The following NSF variants were observed in gnomAD, a reference collection of about 807,000 sequenced individuals.
NSF encodes N-ethylmaleimide sensitive factor, vesicle fusing ATPase, also known as vesicle-fusing ATPase.
In NSF, 14 loss-of-function variants were observed where a neutral mutation model predicts 50.3. That is an observed-to-expected ratio of 0.28 (90% CI 0.18 to 0.44). The LOEUF (loss-of-function observed/expected upper bound fraction) is 0.44. Among genes scored for constraint, NSF ranks in the 20% least tolerant of loss-of-function variants. The pLI is 1.00. For synonymous variants in NSF, 109 were observed against 175.7 expected (o/e 0.62, Z 3.00); for missense variants, 218 against 504.3 (o/e 0.43, Z 5.44).
At chr17:46,738,485 CT>C (rs2059033476) in intron 17 of NSF, among the ~76,000 whole-genome samples, 1 of 152,066 alleles carries the variant, frequency 6.6e-6, no homozygotes, top group Non-Finnish European at 1.5e-5. Context: ...GTATAATAAA[CT>C]CTATGTTAAT....
intron 15 of NSF, among the ~76,000 whole-genome samples, chr17:46,716,770 A>G (rs190520767): frequency 1.1e-3 from 166 of 152,320 alleles, no homozygotes; most frequent in Admixed American, 6.5e-3. Flanking sequence ...TTGTCCTTCA[A>G]TTCTCTTTTC....
At position 46,719,994 on chromosome 17, in the gene NSF, T is replaced by A. The variant is rs2058812278; in HGVS notation, c.1761+6008T>A. Among the ~76,000 whole-genome samples the A allele has an allele frequency of 2.0e-5, 3 of 152,230 alleles. No homozygotes were observed. Among genetic ancestry groups the A allele is most frequent in the African/African-American group, 2.4e-5 (1 of 41,462 alleles). On this transcript the variant is annotated intron_variant, in intron 15 of 20. Coordinates refer to ENST00000398238, the MANE Select transcript of NSF (RefSeq NM_006178.4). The surrounding 1 kb of genome is among the most constrained non-coding windows in gnomAD (Gnocchi z 4.3). ...CTAGCTTTGCACGAAAGAAATAATC[T>A]TCTTTGAATATCCTCCTGTAAATCC...
chr17:46,690,447 A>G (rs1598684604), intron 9 of NSF, among the ~76,000 whole-genome samples: 1 of 21,082 alleles, frequency 4.7e-5, no homozygotes, highest in East Asian at 1.7e-3. Context: ...ACTAAAAAAA[A>G]AATACAAAAA....
chr17:46,724,575 G>C (rs1347050169), intron 15 of NSF, among the ~76,000 whole-genome samples: 2 of 152,136 alleles, frequency 1.3e-5, no homozygotes, highest in Non-Finnish European at 1.5e-5. Context: ...AGGCACTGGG[G>C]AAATACTGCC....
At chr17:46,729,034 A>G (rs75013657) in intron 17 of NSF, 100 bp downstream of exon 17, 2 of 751,348 alleles carry the variant, frequency 2.7e-6, no homozygotes, top group Non-Finnish European at 4.2e-6. Context: ...TCATAAACAT[A>G]AAATTCTGTT....
chr17:46,748,712 C>T (rs1382815620), intron 17 of NSF, among the ~76,000 whole-genome samples: 3 of 152,218 alleles, frequency 2.0e-5, no homozygotes, highest in Non-Finnish European at 1.5e-5. Context: ...AGGGGAATTT[C>T]TTCAAGAACA....
At chr17:46,691,528 G>A (rs2058546301) in intron 9 of NSF, among the ~76,000 whole-genome samples, 1 of 147,324 alleles carries the variant, frequency 6.8e-6, no homozygotes, top group South Asian at 2.2e-4. Context: ...CCGGGAGGCA[G>A]AGGTTGCAGT....
At chr17:46,729,365 T>TA (rs2058926273) in intron 17 of NSF, among the ~76,000 whole-genome samples, 2 of 152,198 alleles carry the variant, frequency 1.3e-5, no homozygotes, top group South Asian at 4.1e-4. Flanking sequence ...TTTGGGCAGT[T>TA]AAAAAACTAT....
intron 1 of NSF, among the ~76,000 whole-genome samples, chr17:46,605,370 C>T (rs1265135912): frequency 6.3e-5 from 8 of 126,022 alleles, no homozygotes; most frequent in Non-Finnish European, 1.2e-4. Flanking sequence ...ATTGCTTGAA[C>T]CTGGGAGGTG....
At chr17:46,606,072 A>G (rs1399576538) in intron 1 of NSF, among the ~76,000 whole-genome samples, 1 of 93,372 alleles carries the variant, frequency 1.1e-5, no homozygotes, top group Non-Finnish European at 1.9e-5. Context: ...CCAGCTACTC[A>G]GGAGGCTGAG....
At chr17:46,733,637 T>A (rs2058972184) in intron 17 of NSF, among the ~76,000 whole-genome samples, 1 of 152,196 alleles carries the variant, frequency 6.6e-6, no homozygotes, top group Non-Finnish European at 1.5e-5. Flanking sequence ...TACACTTGGG[T>A]AAGTGGATGA....
At chr17:46,676,345 G>A (rs1307107878) in intron 9 of NSF, among the ~76,000 whole-genome samples, 2 of 134,332 alleles carry the variant, frequency 1.5e-5, no homozygotes, top group Non-Finnish European at 3.1e-5. Flanking sequence ...CAATTCTCCT[G>A]CCTCAGCCTC....
chr17:46,714,065 T>C (rs2058744731), intron 15 of NSF, 79 bp downstream of exon 15: 12 of 1,413,648 alleles, frequency 8.5e-6, no homozygotes, highest in Non-Finnish European at 1.1e-5. Context: ...CCTTTGTACA[T>C]GTATACATAT....
intron 17 of NSF, among the ~76,000 whole-genome samples, chr17:46,744,870 T>C (rs997170403): frequency 1.2e-4 from 18 of 152,256 alleles, no homozygotes; most frequent in Admixed American, 1.2e-3. Flanking sequence ...CTTATGGTAC[T>C]AAGAATTAGT....
At chr17:46,728,309 A>G (rs1266024283) in intron 16 of NSF, among the ~76,000 whole-genome samples, 1 of 152,190 alleles carries the variant, frequency 6.6e-6, no homozygotes, top group East Asian at 1.9e-4. Flanking sequence ...CCATTTTCTA[A>G]CATCATGTTT....
chr17:46,721,568 T>G, intron 15 of NSF: 2 of 1,460,480 alleles, frequency 1.4e-6, no homozygotes, highest in Admixed American at 3.3e-5. Flanking sequence ...TACTTTTTAT[T>G]TAGCCATTTT....
rs1458270604 is a variant in NSF at position 46,719,437 on chromosome 17, G to C, written c.1761+5451G>C. ...ATGGATGGTGCTAAAATACGTGAAA[G>C]TAGTTTATTCTCAATTAATTTAAAA... is the stretch of plus-strand genomic sequence containing the variant. On this transcript the variant is annotated intron_variant, in intron 15 of 20. Transcript: ENST00000398238. This position sits in a 1 kb window ranked among gnomAD's most constrained non-coding sequence, Gnocchi z 4.3. Among the ~76,000 whole-genome samples the C allele has an allele frequency of 6.6e-6, 1 of 152,124 alleles. No individual in the cohort carries two copies. The highest frequency in any genetic ancestry group is 1.5e-5 in the Non-Finnish European group (1 of 68,024).
intron 17 of NSF, among the ~76,000 whole-genome samples, chr17:46,745,563 G>A (rs921757388): frequency 6.6e-6 from 1 of 152,200 alleles, no homozygotes; most frequent in South Asian, 2.1e-4. Flanking sequence ...TTAAAAGTCC[G>A]GCTTTCTGGA....
chr17:46,671,810 C>T (rs1326816475), intron 8 of NSF, among the ~76,000 whole-genome samples: 2 of 135,644 alleles, frequency 1.5e-5, no homozygotes, highest in East Asian at 1.9e-4. Flanking sequence ...TTTCTGTGTA[C>T]AGAAGCATAG....
Sources: allele counts gnomAD v4.1 joint callset (sites outside exome capture counted in the v4.1 genomes callset), GRCh38; gene constraint gnomAD v4.1.1; non-coding constraint Gnocchi (gnomAD v3.1); transcripts MANE v1.5; gene names NCBI Gene and HGNC (gene_info 2026-07-23, HGNC 2026-07-21).